The following TRPM3 variants were observed in gnomAD, a reference collection of about 807,000 sequenced individuals.
TRPM3 encodes long transient receptor potential channel 3.
In TRPM3, 77 loss-of-function variants were observed where a neutral mutation model predicts 181.2. The ratio of observed to expected loss-of-function variants is 0.42; its 90% CI spans 0.35 to 0.51. The LOEUF (loss-of-function observed/expected upper bound fraction) is 0.51, where lower values mean the gene tolerates loss of function less well. Ranked by LOEUF, TRPM3 falls within the 20% of genes least tolerant of loss-of-function variation. TRPM3 has a pLI of 0.01. For synonymous variants in TRPM3, 745 were observed against 796.4 expected, an observed-to-expected ratio of 0.94 and a Z score of 1.09; for missense variants, 1,759 against 2,196.7, an observed-to-expected ratio of 0.80 and a Z score of 3.98.
At chr9:71,413,628 G>C (rs2093594758) in intron 1 of TRPM3, among the ~76,000 whole-genome samples, 1 of 152,034 alleles carries the variant, frequency 6.6e-6, no homozygotes, top group Non-Finnish European at 1.5e-5. Context: ...AACAGTGTTG[G>C]GAGGTATTTA....
At chr9:70,633,702 C>T (rs148917561) in intron 12 of TRPM3, among the ~76,000 whole-genome samples, 1 of 152,146 alleles carries the variant, frequency 6.6e-6, no homozygotes. Context: ...CTTTGCTTGG[C>T]CTTTCAAAGG....
intron 1 of TRPM3, among the ~76,000 whole-genome samples, chr9:71,164,079 C>T (rs2076406226): frequency 6.6e-6 from 1 of 152,086 alleles, no homozygotes; most frequent in South Asian, 2.1e-4. Context: ...AGGGGCACCT[C>T]CTGGCATCCA....
chr9:71,100,707 C>G (rs1326082746), intron 1 of TRPM3, among the ~76,000 whole-genome samples: 2 of 152,138 alleles, frequency 1.3e-5, no homozygotes, highest in Non-Finnish European at 1.5e-5. Context: ...CTCTGCCTTT[C>G]GTCTTTGAAG....
chr9:70,603,280 C>A, intron 20 of TRPM3, 62 bp downstream of exon 20: 1 of 1,559,072 alleles, frequency 6.4e-7, no homozygotes. Flanking sequence ...CTGTCCCCTC[C>A]ATCCACAGAT....
chr9:71,255,848 T>A (rs1334691186), intron 1 of TRPM3, among the ~76,000 whole-genome samples: 1 of 152,158 alleles, frequency 6.6e-6, no homozygotes, highest in Admixed American at 6.5e-5. Context: ...AATCTGAATC[T>A]CTTTTCTCTT....
intron 2 of TRPM3, 21 bp from the exon 3 acceptor site, chr9:70,863,133 G>A (rs763323874): frequency 4.4e-6 from 7 of 1,605,470 alleles, no homozygotes; most frequent in South Asian, 1.1e-5. Context: ...AGAGGTTAAA[G>A]TGAACCCCTG....
chr9:71,395,528 C>A (rs1472371529), intron 1 of TRPM3, among the ~76,000 whole-genome samples: 1 of 152,192 alleles, frequency 6.6e-6, no homozygotes, highest in Admixed American at 6.5e-5. Flanking sequence ...GAAGAGTTAA[C>A]TTTAACTTCA....
At chr9:71,347,178 A>T (rs1467530211) in intron 1 of TRPM3, among the ~76,000 whole-genome samples, 1 of 152,194 alleles carries the variant, frequency 6.6e-6, no homozygotes, top group Non-Finnish European at 1.5e-5. Flanking sequence ...CTGGACAATA[A>T]ATCATATGAT....
chr9:70,887,917 A>T (rs1241374664), intron 1 of TRPM3, among the ~76,000 whole-genome samples: 1 of 152,352 alleles, frequency 6.6e-6, no homozygotes, highest in Middle Eastern at 3.4e-3. Flanking sequence ...CAACTGTGCA[A>T]CTGCAGTATG....
chr9:70,647,386 C>T (rs188954677), intron 9 of TRPM3, among the ~76,000 whole-genome samples: 1 of 152,188 alleles, frequency 6.6e-6, no homozygotes, highest in East Asian at 1.9e-4. Flanking sequence ...GTTGGTTCAC[C>T]ATACAAAAAT....
In TRPM3 at chr9:71,168,634, ATTTTT is replaced by A. The variant is rs1160659871; in HGVS notation, c.183+278014_183+278018del. ...ATTTTTTTATTATTATTTTTTTATT[ATTTTT>A]TATTTTTTTTTTTATTATTACTATC... On this transcript the variant is annotated intron_variant, in intron 1 of 24. Transcript: ENST00000357533. Among the ~76,000 whole-genome samples the A allele has an allele frequency of 7.3e-5, 7 of 95,414 alleles. No individual in the cohort carries two copies. The South Asian group carries it at 1.9e-3, about 26-fold the overall frequency. 62.6% of individuals were successfully genotyped at this position (95,414 alleles called of 152,430 possible).
intron 1 of TRPM3, among the ~76,000 whole-genome samples, chr9:70,916,061 C>T (rs1219520859): frequency 6.6e-6 from 1 of 152,122 alleles, no homozygotes; most frequent in Non-Finnish European, 1.5e-5. Flanking sequence ...TTAGTGGAAA[C>T]CTTATAGGCC....
intron 1 of TRPM3, among the ~76,000 whole-genome samples, chr9:71,090,088 A>G (rs1028622690): frequency 1.3e-5 from 2 of 152,172 alleles, no homozygotes; most frequent in African/African-American, 2.4e-5. Context: ...CCCTACATTA[A>G]TACAGGACAG....
intron 1 of TRPM3, among the ~76,000 whole-genome samples, chr9:71,111,232 A>C (rs898182306): frequency 6.6e-6 from 1 of 152,236 alleles, no homozygotes; most frequent in Non-Finnish European, 1.5e-5. Context: ...AATGTAAGCT[A>C]AATTTCAATT....
chr9:71,031,963 ATATATATATT>A (rs1565020864), intron 1 of TRPM3, among the ~76,000 whole-genome samples: 3 of 63,552 alleles, frequency 4.7e-5, no homozygotes, highest in Non-Finnish European at 7.0e-5. Context: ...ATATAATTAT[ATATATATATT>A]ATATATATAT....
Position 70,688,881 on chromosome 9 carries a change from A to G in TRPM3, c.1273-7303T>C, listed in dbSNP as rs564716261. Reference sequence around the variant, plus strand: ...AAGGCATTCCAGGATGCCACTTCCAATCTCTATTTGCACACATCTCTCTGC... The same window carrying G: ...AAGGCATTCCAGGATGCCACTTCCAGTCTCTATTTGCACACATCTCTCTGC... On this transcript the variant is annotated intron_variant, in intron 8 of 25. Transcript: ENST00000677713. Among the ~76,000 whole-genome samples, 167 of 152,238 alleles carry G rather than the reference A, an allele frequency of 1.1e-3. 1 individual carries two copies. Among genetic ancestry groups the G allele is most frequent in the Admixed American group, 5.0e-3 (76 of 15,294 alleles).
intron 1 of TRPM3, among the ~76,000 whole-genome samples, chr9:71,301,480 A>T (rs907605019): frequency 6.6e-6 from 1 of 152,202 alleles, no homozygotes; most frequent in African/African-American, 2.4e-5. Context: ...TCAAAGCCAC[A>T]TACTGAAGCC....
chr9:71,398,408 C>T (rs1202026116), intron 1 of TRPM3, among the ~76,000 whole-genome samples: 1 of 152,116 alleles, frequency 6.6e-6, no homozygotes, highest in Non-Finnish European at 1.5e-5. Context: ...TATGGTTTGG[C>T]TCTGTGTCCC....
chr9:71,170,214 G>A lies in TRPM3; in HGVS notation c.183+276439C>T, dbSNP rs548104082. 2.0e-5 allele frequency among the ~76,000 whole-genome samples: 3 copies of A among 152,106 alleles called. No individual in the cohort carries two copies. In the South Asian group the frequency reaches 6.2e-4, roughly 32 times the overall value. On this transcript the variant is annotated intron_variant, in intron 1 of 24. Coordinates refer to the TRPM3 transcript ENST00000357533. ...GACTCAGGGGGAGAAAGTAACAAGG[G>A]CCAATGAACTAAGTTACAGCAGAAT...
Sources: gnomAD v4.1 joint callset for allele counts (sites outside exome capture counted in the v4.1 genomes callset) on GRCh38, gnomAD v4.1.1 for gene constraint, MANE v1.5 for transcripts, NCBI Gene and HGNC (gene_info 2026-07-23, HGNC 2026-07-21) for gene names.